Variants in SH3D19 observed in about 807,000 individuals in gnomAD.
SH3D19 encodes SH3 domain-containing protein 19.
In SH3D19, 58 loss-of-function variants were observed where a neutral mutation model predicts 112.1. The ratio of observed to expected loss-of-function variants is 0.52; its 90% CI spans 0.42 to 0.64. The LOEUF is 0.64. SH3D19 is among the 30% of genes least tolerant of loss of function. The pLI is 0.00. For synonymous variants in SH3D19, 391 were observed against 448.5 expected (o/e 0.87, Z 1.62); for missense variants, 1,090 against 1,263.4 (o/e 0.86, Z 2.08).
chr4:151,277,847 C>G (rs1202984338), intron 1 of SH3D19, among the ~76,000 whole-genome samples: 1 of 152,140 alleles, frequency 6.6e-6, no homozygotes, highest in Non-Finnish European at 1.5e-5. Flanking sequence ...TCAAGACCAG[C>G]CTGGGCAACA....
chr4:151,192,859 CA>C (rs1762856455), intron 2 of SH3D19, among the ~76,000 whole-genome samples: 1 of 152,090 alleles, frequency 6.6e-6, no homozygotes, highest in Admixed American at 6.5e-5. Flanking sequence ...ACAAATCCCA[CA>C]AAAAAGTTCA....
chr4:151,221,978 T>C (rs891789997), intron 2 of SH3D19, among the ~76,000 whole-genome samples: 3 of 152,210 alleles, frequency 2.0e-5, no homozygotes, highest in African/African-American at 7.2e-5. Context: ...GAGATATTTA[T>C]TGGCTATTAG....
chr4:151,212,047 G>T (rs970225211), intron 2 of SH3D19, among the ~76,000 whole-genome samples: 1 of 152,250 alleles, frequency 6.6e-6, no homozygotes, highest in African/African-American at 2.4e-5. Context: ...TAGCTAGACA[G>T]AAAAGTCAAT....
chr4:151,295,188 G>A (rs1231838188), intron 1 of SH3D19, among the ~76,000 whole-genome samples: 1 of 152,218 alleles, frequency 6.6e-6, no homozygotes, highest in East Asian at 1.9e-4. Flanking sequence ...GGTGAAGTGA[G>A]AGCAAGGGAA....
chr4:151,154,704 G>C (rs1339321974), intron 9 of SH3D19, among the ~76,000 whole-genome samples: 1 of 151,992 alleles, frequency 6.6e-6, no homozygotes, highest in African/African-American at 2.4e-5. Context: ...AGCCTCCTGA[G>C]CAGCTGGGAC....
At chr4:151,163,634 G>A (rs1757514173) in intron 8 of SH3D19, among the ~76,000 whole-genome samples, 1 of 150,552 alleles carries the variant, frequency 6.6e-6, no homozygotes, top group African/African-American at 2.4e-5. Flanking sequence ...AGGTTGGAGT[G>A]CAGCGGCATG....
chr4:151,139,663 C>A, intron 13 of SH3D19, 112 bp downstream of exon 13: 2 of 899,324 alleles, frequency 2.2e-6, no homozygotes, highest in Non-Finnish European at 3.5e-6. Flanking sequence ...GTCTCGGACT[C>A]TATAGGCACA....
At chr4:151,138,420 G>A (rs1379091198) in intron 13 of SH3D19, among the ~76,000 whole-genome samples, 1 of 152,038 alleles carries the variant, frequency 6.6e-6, no homozygotes, top group Non-Finnish European at 1.5e-5. Context: ...TATTGTGCGT[G>A]GGCATGGGTG....
intron 1 of SH3D19, among the ~76,000 whole-genome samples, chr4:151,236,868 G>A (rs1349304353): frequency 6.6e-6 from 1 of 152,232 alleles, no homozygotes; most frequent in East Asian, 1.9e-4. Context: ...TCAGCTGTCT[G>A]TAAAACGGAC....
Position 151,175,358 on chromosome 4 carries a change from G to A in SH3D19, c.846C>T (p.Asn282=). The change falls in exon 7 of 20, where the codon AAC becomes AAT. Residue 282 remains asparagine, a synonymous_variant. Coordinates refer to ENST00000604030, the MANE Select transcript of SH3D19 (RefSeq NM_001378122.1). ...TTTGGCTTTGTTCTGTGTTCATAAT[G>A]TTCATCACTGCCTGACTGTCTGAGG... ...ASTSDSQAVM[N]IMNTEQSQNS... is the part of the protein sequence containing the mutation. 5.6e-6 allele frequency: 9 copies of A among 1,605,472 alleles called. No homozygotes were observed. Among genetic ancestry groups the A allele is most frequent in the Non-Finnish European group, 7.7e-6 (9 of 1,175,764 alleles).
chr4:151,159,135 G>C, intron 9 of SH3D19, 105 bp downstream of exon 9: 1 of 610,550 alleles, frequency 1.6e-6, no homozygotes, highest in Non-Finnish European at 2.7e-6. Context: ...GAGGGTTCTT[G>C]TTTTTAATCT....
At chr4:151,283,580 T>G (rs1774460398) in intron 1 of SH3D19, among the ~76,000 whole-genome samples, 1 of 149,828 alleles carries the variant, frequency 6.7e-6, no homozygotes, top group Non-Finnish European at 1.5e-5. Context: ...TACAGTGGCA[T>G]GATCATAGCT....
At chr4:151,155,825 G>T (rs1035055554) in intron 9 of SH3D19, among the ~76,000 whole-genome samples, 1 of 152,158 alleles carries the variant, frequency 6.6e-6, no homozygotes, top group African/African-American at 2.4e-5. Context: ...GGAGGTAGAG[G>T]TTGCAGTGAG....
At chr4:151,221,012 A>C (rs1767948044) in intron 2 of SH3D19, among the ~76,000 whole-genome samples, 1 of 152,254 alleles carries the variant, frequency 6.6e-6, no homozygotes. Context: ...GCAAATCAAC[A>C]TCAAAACAAA....
At chr4:151,136,050 C>A (rs903346898) in intron 14 of SH3D19, among the ~76,000 whole-genome samples, 1 of 151,138 alleles carries the variant, frequency 6.6e-6, no homozygotes, top group Non-Finnish European at 1.5e-5. Flanking sequence ...CTTGTGGATT[C>A]TCTTCACATT....
chr4:151,128,284 A>G lies in SH3D19; in HGVS notation c.2815T>C (p.Phe939Leu). The change falls in exon 18 of 20, where the codon TTC (phenylalanine) becomes CTC (leucine). Residue 939 changes from phenylalanine (F) to leucine (L), a missense_variant. By Grantham distance (22) the Phe-to-Leu change is conservative (BLOSUM62 0). Transcript: ENST00000604030. The part of the protein sequence containing the change: ...FTAETSDDLS[F>L]KRGDRIQILE... Reference sequence around the variant, plus strand: ...ATCTGGATCCGGTCTCCCCTCTTGAATGATAAGTCATCACTGGTCTCTGCT... The same window carrying G: ...ATCTGGATCCGGTCTCCCCTCTTGAGTGATAAGTCATCACTGGTCTCTGCT... The G allele has an allele frequency of 6.2e-7, 1 of 1,614,128 alleles. No homozygotes were observed. Among genetic ancestry groups the G allele is most frequent in the Non-Finnish European group, 8.5e-7 (1 of 1,179,994 alleles).
At chr4:151,228,327 C>T (rs770577788) in intron 1 of SH3D19, among the ~76,000 whole-genome samples, 7 of 152,164 alleles carry the variant, frequency 4.6e-5, no homozygotes, top group Non-Finnish European at 8.8e-5. Flanking sequence ...TTATCCATTA[C>T]TCACAATATT....
At chr4:151,311,662 G>A (rs974007292) in intron 1 of SH3D19, among the ~76,000 whole-genome samples, 3 of 152,110 alleles carry the variant, frequency 2.0e-5, no homozygotes, top group African/African-American at 4.8e-5. Flanking sequence ...AAAAGAGCAA[G>A]ACCCTATCTC....
intron 12 of SH3D19, 130 bp downstream of exon 12, chr4:151,143,780 T>C: frequency 9.8e-7 from 1 of 1,017,738 alleles, no homozygotes; most frequent in Non-Finnish European, 1.4e-6. Context: ...GTAGAATAAA[T>C]GCTACTGTAA....
Sources: allele counts gnomAD v4.1 joint callset (sites outside exome capture counted in the v4.1 genomes callset), GRCh38; gene constraint gnomAD v4.1.1; transcripts MANE v1.5; gene names NCBI Gene and HGNC (gene_info 2026-07-23, HGNC 2026-07-21).